FHIT: variants seen among roughly 807,000 people sequenced by gnomAD.
FHIT encodes the protein fragile histidine triad diadenosine triphosphatase, also known as bis(5'-adenosyl)-triphosphatase.
In FHIT, 19 loss-of-function variants were observed where a neutral mutation model predicts 17.9. The observed-to-expected ratio is 1.06, with a 90% CI of 0.74 to 1.56. FHIT has a LOEUF of 1.56. Among genes scored for constraint, FHIT ranks in the 40% most tolerant of loss-of-function variants. The pLI, the probability that FHIT is intolerant of heterozygous loss-of-function variation, is 0.00. For missense variants in FHIT, 248 were observed against 189.2 expected (o/e 1.31, Z -1.82); for synonymous variants, 81 against 69.7 (o/e 1.16, Z -0.81).
intron 5 of FHIT, chr3:60,535,832 A>G (rs2035962476): frequency 6.6e-6 from 1 of 150,832 alleles, no homozygotes; most frequent in Non-Finnish European, 1.5e-5. Flanking sequence ...TTAGCATACA[A>G]TAGTTACGTG....
chr3:61,126,900 T>TA (rs2036623519), intron 2 of FHIT, among the ~76,000 whole-genome samples: 1 of 151,716 alleles, frequency 6.6e-6, no homozygotes, highest in Non-Finnish European at 1.5e-5. Context: ...GTAAAGCACA[T>TA]AGGGCTGAGG....
At chr3:60,141,218 A>G (rs891163989) in intron 5 of FHIT, among the ~76,000 whole-genome samples, 3 of 152,108 alleles carry the variant, frequency 2.0e-5, no homozygotes, top group African/African-American at 7.2e-5. Context: ...CTCCCTGTCT[A>G]AATGCACAGA....
At chr3:60,877,814 C>T (rs557815201) in intron 3 of FHIT, among the ~76,000 whole-genome samples, 1 of 152,128 alleles carries the variant, frequency 6.6e-6, no homozygotes, top group Admixed American at 6.5e-5. Flanking sequence ...ACTGCTAAGA[C>T]CTGCTGTTTC....
chr3:59,986,250 G>A (rs146547808), intron 7 of FHIT, among the ~76,000 whole-genome samples: 1 of 151,796 alleles, frequency 6.6e-6, no homozygotes, highest in East Asian at 2.0e-4. Context: ...TAAGATAACT[G>A]AGAAGCTCTC....
intron 5 of FHIT, among the ~76,000 whole-genome samples, chr3:60,205,499 G>A (rs904841435): frequency 1.2e-4 from 19 of 152,264 alleles, no homozygotes; most frequent in African/African-American, 3.8e-4. Context: ...CAGAAATGAT[G>A]AGCCAAAGGA....
At chr3:59,933,123 C>T (rs1285861728) in intron 7 of FHIT, among the ~76,000 whole-genome samples, 5 of 152,220 alleles carry the variant, frequency 3.3e-5, no homozygotes, top group Non-Finnish European at 7.4e-5. Context: ...AAATGCATCA[C>T]CCACTATTCT....
chr3:60,500,463 C>G (rs1463606075), intron 5 of FHIT, among the ~76,000 whole-genome samples: 1 of 152,102 alleles, frequency 6.6e-6, no homozygotes, highest in Admixed American at 6.5e-5. Flanking sequence ...TAAGCATCAC[C>G]TAGCAAGAGT....
chr3:60,364,466 C>T (rs540348831), intron 5 of FHIT, among the ~76,000 whole-genome samples: 1 of 152,348 alleles, frequency 6.6e-6, no homozygotes, highest in African/African-American at 2.4e-5. Flanking sequence ...AAAATCTCAG[C>T]ATGCACCACT....
intron 5 of FHIT, among the ~76,000 whole-genome samples, chr3:60,521,723 G>T (rs1367225264): frequency 6.6e-6 from 1 of 152,198 alleles, no homozygotes; most frequent in South Asian, 2.1e-4. Flanking sequence ...AAGAATAAAT[G>T]ACCTAAGTTT....
At chr3:60,243,541 C>T (rs1321886107) in intron 5 of FHIT, among the ~76,000 whole-genome samples, 1 of 152,042 alleles carries the variant, frequency 6.6e-6, no homozygotes, top group Non-Finnish European at 1.5e-5. Flanking sequence ...CATCTTTTGA[C>T]CAAATTCCAT....
At chr3:61,025,214 C>A (rs1341034943) in intron 3 of FHIT, among the ~76,000 whole-genome samples, 1 of 152,162 alleles carries the variant, frequency 6.6e-6, no homozygotes, top group African/African-American at 2.4e-5. Context: ...CCACACAGGA[C>A]TTATATGTTA....
chr3:60,253,840 G>C (rs1000473294), intron 5 of FHIT, among the ~76,000 whole-genome samples: 2 of 152,142 alleles, frequency 1.3e-5, no homozygotes, highest in African/African-American at 2.4e-5. Flanking sequence ...AGAATGCACA[G>C]GAAATTTCTG....
intron 5 of FHIT, among the ~76,000 whole-genome samples, chr3:60,327,470 C>T (rs1371884605): frequency 6.6e-6 from 1 of 152,200 alleles, no homozygotes; most frequent in African/African-American, 2.4e-5. Context: ...ACGGGCATGG[C>T]TATGTTCTAA....
chr3:60,625,504 A>G (rs370823714), intron 4 of FHIT, among the ~76,000 whole-genome samples: 2 of 152,156 alleles, frequency 1.3e-5, no homozygotes, highest in East Asian at 3.9e-4. Flanking sequence ...TATTTTCTTG[A>G]TGACTAGTGA....
chr3:60,284,953 G>C (rs1197010373), intron 5 of FHIT, among the ~76,000 whole-genome samples: 1 of 152,120 alleles, frequency 6.6e-6, no homozygotes, highest in African/African-American at 2.4e-5. Flanking sequence ...CCACTGTCAA[G>C]TTATAGGTTA....
chr3:60,093,148 G>C (rs540109854), intron 5 of FHIT, among the ~76,000 whole-genome samples: 18 of 152,234 alleles, frequency 1.2e-4, no homozygotes, highest in Non-Finnish European at 2.6e-4. Context: ...CTGGAAGTTG[G>C]GGGTCTGACA....
At chr3:61,047,762 T>C (rs1490389039) in intron 2 of FHIT, among the ~76,000 whole-genome samples, 1 of 152,130 alleles carries the variant, frequency 6.6e-6, no homozygotes, top group Non-Finnish European at 1.5e-5. Flanking sequence ...AGCATGATAC[T>C]GGTACCAAAA....
intron 5 of FHIT, among the ~76,000 whole-genome samples, chr3:60,065,496 T>C (rs1232012333): frequency 1.3e-5 from 2 of 152,180 alleles, no homozygotes; most frequent in African/African-American, 4.8e-5. Flanking sequence ...GTGTTTGAGA[T>C]CATAAAGCTC....
chr3:60,924,941 C>T (rs1343088291), intron 3 of FHIT, among the ~76,000 whole-genome samples: 1 of 152,134 alleles, frequency 6.6e-6, no homozygotes, highest in Non-Finnish European at 1.5e-5. Flanking sequence ...ATTCGATCAA[C>T]TGGAAGAAAG....
Sources: allele counts gnomAD v4.1 joint callset (sites outside exome capture counted in the v4.1 genomes callset), GRCh38; gene constraint gnomAD v4.1.1; transcripts MANE v1.5; gene names NCBI Gene and HGNC (gene_info 2026-07-23, HGNC 2026-07-21).